The following KIAA1217 variants were observed in gnomAD, a reference collection of about 807,000 sequenced individuals.
KIAA1217 encodes the protein KIAA1217.
A neutral mutation model predicts 163.9 loss-of-function variants in KIAA1217; 88 were observed. That is an observed-to-expected ratio of 0.54 (90% CI 0.45 to 0.64). KIAA1217 has a LOEUF of 0.64. Among genes scored for constraint, KIAA1217 ranks in the 30% least tolerant of loss-of-function variants. The pLI is 0.00. For synonymous variants in KIAA1217, 903 were observed against 923.1 expected (o/e 0.98, Z 0.39); for missense variants, 2,372 against 2,475.0 (o/e 0.96, Z 0.88).
At chr10:23,996,936 G>C (rs1255025328) in intron 1 of KIAA1217, among the ~76,000 whole-genome samples, 1 of 152,108 alleles carries the variant, frequency 6.6e-6, no homozygotes, top group Non-Finnish European at 1.5e-5. Flanking sequence ...TTACTCCTGA[G>C]CATCCCAGTA....
At chr10:24,188,893 C>G (rs1171490183) in intron 2 of KIAA1217, among the ~76,000 whole-genome samples, 1 of 151,984 alleles carries the variant, frequency 6.6e-6, no homozygotes, top group East Asian at 1.9e-4. Context: ...ATCGCGGGGT[C>G]AGGAGATCGA....
chr10:24,516,448 A>G (rs2070178961), intron 10 of KIAA1217, among the ~76,000 whole-genome samples: 1 of 152,224 alleles, frequency 6.6e-6, no homozygotes, highest in African/African-American at 2.4e-5. Flanking sequence ...CTTTTCTTGA[A>G]AGTTCCGGGG....
At chr10:24,067,916 C>A (rs968843131) in intron 2 of KIAA1217, among the ~76,000 whole-genome samples, 4 of 146,792 alleles carry the variant, frequency 2.7e-5, no homozygotes, top group African/African-American at 1.1e-4. Flanking sequence ...ATGAGCGAGG[C>A]TCCATGGGTG....
chr10:23,837,788 A>AC (rs1232090053), intron 1 of KIAA1217, among the ~76,000 whole-genome samples: 3 of 151,866 alleles, frequency 2.0e-5, no homozygotes, highest in African/African-American at 7.3e-5. Context: ...TGATCCACCC[A>AC]CCTCTGTCTC....
At chr10:23,991,861 G>T (rs1846233730) in intron 1 of KIAA1217, among the ~76,000 whole-genome samples, 1 of 152,170 alleles carries the variant, frequency 6.6e-6, no homozygotes, top group South Asian at 2.1e-4. Flanking sequence ...ATGATAGGAA[G>T]TAGCTGGTTG....
intron 2 of KIAA1217, among the ~76,000 whole-genome samples, chr10:24,140,960 G>C (rs534571949): frequency 6.6e-6 from 1 of 152,212 alleles, no homozygotes; most frequent in Admixed American, 6.5e-5. Flanking sequence ...AAGAGTAAAG[G>C]CACCGTGTCT....
intron 1 of KIAA1217, among the ~76,000 whole-genome samples, chr10:23,747,971 G>A (rs962284254): frequency 6.6e-6 from 1 of 152,156 alleles, no homozygotes; most frequent in Admixed American, 6.5e-5. Context: ...GGATTCCCTG[G>A]GGAAGCTCAG....
At chr10:24,516,667 T>A (rs1015264755) in intron 10 of KIAA1217, among the ~76,000 whole-genome samples, 1 of 152,160 alleles carries the variant, frequency 6.6e-6, no homozygotes, top group Non-Finnish European at 1.5e-5. Context: ...CCTCTGGTGA[T>A]CATGTGCCGG....
intron 17 of KIAA1217, among the ~76,000 whole-genome samples, chr10:24,540,295 G>C (rs2074825915): frequency 6.6e-6 from 1 of 152,130 alleles, no homozygotes; most frequent in South Asian, 2.1e-4. Context: ...GTGCAGTGGT[G>C]CAATCTCAAC....
rs985072567 is a variant in KIAA1217, at chr10:24,342,680, A to G, written c.355-38189A>G. Among the ~76,000 whole-genome samples, 3 of 133,918 alleles carry G rather than the reference A, an allele frequency of 2.2e-5. No individual in the cohort carries two copies. The Admixed American group carries it at 2.3e-4, about 10-fold the overall frequency. The allele number at this position is 133,918 out of a possible 152,430, so 87.9% of individuals were successfully genotyped here. On this transcript the variant is annotated intron_variant, in intron 2 of 20. Coordinates refer to ENST00000376454, the MANE Select transcript of KIAA1217 (RefSeq NM_019590.5). Reference sequence around the variant, plus strand: ...TTTTTTTTTTTTTTTTTTTTTTGAAACAGAGTCTCACTCTGTCGCCCAGGC... The same window carrying G: ...TTTTTTTTTTTTTTTTTTTTTTGAAGCAGAGTCTCACTCTGTCGCCCAGGC...
chr10:24,180,271 C>T (rs547491015), intron 2 of KIAA1217, among the ~76,000 whole-genome samples: 1 of 146,726 alleles, frequency 6.8e-6, no homozygotes, highest in Non-Finnish European at 1.5e-5. Flanking sequence ...TCCTCAACTC[C>T]TCAACCTTCT....
At chr10:23,892,578 TTATTAATGGCATGCATTAAG>T (rs1432746451) in intron 1 of KIAA1217, among the ~76,000 whole-genome samples, 6 of 151,946 alleles carry the variant, frequency 3.9e-5, no homozygotes, top group African/African-American at 1.4e-4. Context: ...GAATTAAAAG[TTATTAATGGCATGCATTAAG>T]TATCAGCTGT....
intron 2 of KIAA1217, among the ~76,000 whole-genome samples, chr10:24,309,138 AAG>A (rs2042342413): frequency 1.1e-5 from 1 of 90,116 alleles, no homozygotes. Context: ...AAAAAAAAAA[AAG>A]GAAGGAAGGA....
At chr10:24,369,704 C>T (rs564797192) in intron 2 of KIAA1217, among the ~76,000 whole-genome samples, 6 of 152,262 alleles carry the variant, frequency 3.9e-5, no homozygotes, top group Admixed American at 1.3e-4. Flanking sequence ...ACTTCAAAGG[C>T]TACAAGCAGG....
intron 1 of KIAA1217, among the ~76,000 whole-genome samples, chr10:23,776,143 T>C (rs1834998944): frequency 6.6e-6 from 1 of 152,136 alleles, no homozygotes; most frequent in African/African-American, 2.4e-5. Flanking sequence ...AGAGATACCA[T>C]TGAAGATGAT....
chr10:23,872,239 G>A (rs770691710), intron 1 of KIAA1217, among the ~76,000 whole-genome samples: 8 of 152,176 alleles, frequency 5.3e-5, no homozygotes, highest in South Asian at 4.2e-4. Context: ...GGTGTCATGG[G>A]AATAGATGAA....
intron 2 of KIAA1217, among the ~76,000 whole-genome samples, chr10:24,066,552 C>T (rs937584922): frequency 6.6e-6 from 1 of 152,148 alleles, no homozygotes; most frequent in Non-Finnish European, 1.5e-5. Context: ...GTGACCTGAC[C>T]TTCCTCTCTG....
At chr10:23,783,715 G>A (rs988300485) in intron 1 of KIAA1217, among the ~76,000 whole-genome samples, 4 of 151,900 alleles carry the variant, frequency 2.6e-5, no homozygotes, top group Non-Finnish European at 4.4e-5. Context: ...TTTGTTGGGA[G>A]GTTTTTAATT....
chr10:24,176,154 C>G (rs2065880438), intron 2 of KIAA1217, among the ~76,000 whole-genome samples: 2 of 152,184 alleles, frequency 1.3e-5, no homozygotes, highest in Non-Finnish European at 2.9e-5. Flanking sequence ...TTGATTGGTG[C>G]TTTTACAATC....
Sources: allele counts gnomAD v4.1 joint callset (sites outside exome capture counted in the v4.1 genomes callset), GRCh38; gene constraint gnomAD v4.1.1; transcripts MANE v1.5; gene names NCBI Gene and HGNC (gene_info 2026-07-23, HGNC 2026-07-21).